Variants in MAF observed in about 807,000 individuals in gnomAD.
The protein encoded by MAF is MAF bZIP transcription factor.
Under a neutral mutation model 22.0 loss-of-function variants are expected in MAF, and 10 were observed. The observed-to-expected ratio is 0.45, with a 90% CI of 0.28 to 0.77. The LOEUF (loss-of-function observed/expected upper bound fraction) is 0.77. Among genes scored for constraint, MAF ranks in the 30% least tolerant of loss-of-function variants. The pLI is 0.12. For synonymous variants in MAF, 337 were observed against 255.8 expected (o/e 1.32, Z -3.03); for missense variants, 544 against 548.4 (o/e 0.99, Z 0.08).
chr16:79,535,586 CTTT>C, the MAF span, among the ~76,000 whole-genome samples: 4 of 130,590 alleles, frequency 3.1e-5, no homozygotes, highest in Admixed American at 8.0e-5. Flanking sequence ...ATTGCTTCTT[CTTT>C]TTTTTTTTTT....
the MAF span, among the ~76,000 whole-genome samples, chr16:79,515,041 A>C: frequency 6.6e-6 from 1 of 152,192 alleles, no homozygotes; most frequent in Non-Finnish European, 1.5e-5. Context: ...TCATCTCTTC[A>C]AACCTCCGCT....
the MAF span, chr16:79,264,343 G>A: frequency 5.9e-5 from 9 of 152,296 alleles, no homozygotes; most frequent in Non-Finnish European, 1.0e-4. Flanking sequence ...TAAACACATT[G>A]GGTGTGTTCT....
the MAF span, among the ~76,000 whole-genome samples, chr16:79,513,758 G>C: frequency 6.6e-6 from 1 of 152,186 alleles, no homozygotes; most frequent in Non-Finnish European, 1.5e-5. Flanking sequence ...GCGCTTAGCT[G>C]AGAACCTGGT....
At chr16:79,323,513 G>A in the MAF span, among the ~76,000 whole-genome samples, 1 of 152,158 alleles carries the variant, frequency 6.6e-6, no homozygotes, top group Non-Finnish European at 1.5e-5. Context: ...CAGCTTGCAA[G>A]ACCCATGGAG....
the MAF span, among the ~76,000 whole-genome samples, chr16:79,435,373 T>C: frequency 4.1e-4 from 62 of 152,330 alleles, no homozygotes; most frequent in South Asian, 0.012. Context: ...TTGATGTTCC[T>C]GGAATTCAAG....
the MAF span, among the ~76,000 whole-genome samples, chr16:79,364,195 A>G: frequency 6.6e-6 from 1 of 152,182 alleles, no homozygotes; most frequent in Admixed American, 6.5e-5. Context: ...AATGTTAAGC[A>G]TAGTAATCAC....
the MAF span, among the ~76,000 whole-genome samples, chr16:79,507,714 C>T: frequency 1.2e-4 from 19 of 152,172 alleles, no homozygotes; most frequent in African/African-American, 3.1e-4. Context: ...CGTGAGCCAC[C>T]GCGCCCGGCC....
At chr16:79,382,900 T>A in the MAF span, among the ~76,000 whole-genome samples, 1 of 152,200 alleles carries the variant, frequency 6.6e-6, no homozygotes, top group Non-Finnish European at 1.5e-5. Flanking sequence ...TGCAAAGTAG[T>A]ACTAATGGGA....
the MAF span, among the ~76,000 whole-genome samples, chr16:79,401,233 T>C: frequency 1.3e-5 from 2 of 152,206 alleles, no homozygotes; most frequent in Non-Finnish European, 2.9e-5. Flanking sequence ...CTTGATTTCC[T>C]TTTTCACTCC....
At chr16:79,296,854 C>T in the MAF span, among the ~76,000 whole-genome samples, 5 of 152,322 alleles carry the variant, frequency 3.3e-5, no homozygotes, top group East Asian at 1.9e-4. Flanking sequence ...AGTTTTCCCT[C>T]GTGTGTTTTT....
At chr16:79,237,620 C>A in the MAF span, among the ~76,000 whole-genome samples, 2 of 152,056 alleles carry the variant, frequency 1.3e-5, no homozygotes, top group Non-Finnish European at 2.9e-5. Context: ...TCAGAGGACA[C>A]TCAGGGGAAA....
the MAF span, among the ~76,000 whole-genome samples, chr16:79,435,436 G>A: frequency 1.1e-4 from 16 of 152,272 alleles, no homozygotes; most frequent in African/African-American, 3.6e-4. Context: ...AAATAGATGC[G>A]GTCAATAGCG....
At chr16:79,258,579 G>C in the MAF span, among the ~76,000 whole-genome samples, 1 of 152,154 alleles carries the variant, frequency 6.6e-6, no homozygotes, top group Non-Finnish European at 1.5e-5. Flanking sequence ...GGCATTTGTG[G>C]GCACTCAAGC....
At chr16:79,479,740 T>C in the MAF span, among the ~76,000 whole-genome samples, 2 of 152,244 alleles carry the variant, frequency 1.3e-5, no homozygotes, top group Non-Finnish European at 2.9e-5. Flanking sequence ...ACCAGACTAC[T>C]ACGTGCTAAG....
the MAF span, among the ~76,000 whole-genome samples, chr16:79,342,032 T>A: frequency 6.6e-6 from 1 of 152,216 alleles, no homozygotes; most frequent in Non-Finnish European, 1.5e-5. Flanking sequence ...ACCTACACAC[T>A]GATTATAGAT....
At position 79,599,201 on chromosome 16, in the gene MAF, TCCG is replaced by T. The variant is rs887468453; in HGVS notation, c.699_701del (p.Gly238del). 7.7e-4 allele frequency: 739 copies of T among 957,488 alleles called. No homozygotes were observed. Among genetic ancestry groups the T allele is most frequent in the Middle Eastern group, 1.6e-3 (3 of 1,902 alleles). The allele number at this position is 957,488 out of a possible 1,614,324, so 59.3% of individuals were successfully genotyped here. On this transcript the variant is annotated inframe_deletion, in exon 1 of 2. Coordinates refer to ENST00000326043, the MANE Select transcript of MAF (RefSeq NM_005360.5). ...CCGCCCCCGCCGCGCCCCCGCCGCC[TCCG>T]CCGCCGCCGCCGCCGCCGCCGCCCC...
At chr16:79,406,751 G>GT in the MAF span, among the ~76,000 whole-genome samples, 3 of 152,286 alleles carry the variant, frequency 2.0e-5, no homozygotes, top group South Asian at 4.1e-4. Context: ...CAAAGCCTGT[G>GT]TTTTCAACCG....
At chr16:79,541,282 T>C in the MAF span, among the ~76,000 whole-genome samples, 31,579 of 152,164 alleles carry the variant, frequency 0.21, 3,794 homozygotes, top group Non-Finnish European at 0.29. Flanking sequence ...ATCATCTTGG[T>C]TGGAATTATT....
the MAF span, among the ~76,000 whole-genome samples, chr16:79,263,300 A>C: frequency 0.17 from 25,160 of 152,242 alleles, 2,284 homozygotes; most frequent in Non-Finnish European, 0.19. Flanking sequence ...AAATTTTCTA[A>C]GGGAAGTCAA....
Sources: gnomAD v4.1 joint callset for allele counts (sites outside exome capture counted in the v4.1 genomes callset) on GRCh38, gnomAD v4.1.1 for gene constraint, MANE v1.5 for transcripts, NCBI Gene and HGNC (gene_info 2026-07-23, HGNC 2026-07-21) for gene names.